NHSL1: variants seen among roughly 807,000 people sequenced by gnomAD.
NHSL1 encodes NHS like 1.
NHSL1 carries 48 observed loss-of-function variants against 95.0 expected under a neutral mutation model. The observed-to-expected ratio is 0.51, with a 90% CI of 0.40 to 0.64. The LOEUF (loss-of-function observed/expected upper bound fraction) is 0.64, where lower values mean the gene tolerates loss of function less well. Ranked by LOEUF, NHSL1 falls within the 30% of genes least tolerant of loss-of-function variation. The pLI is 0.00. For missense variants in NHSL1, 1,971 were observed against 2,077.7 expected (o/e 0.95, Z 1.00); for synonymous variants, 783 against 833.9 (o/e 0.94, Z 1.05).
At chr6:138,472,150 CCAGCCTGGGCGA>C (rs1778793822) in intron 3 of NHSL1, among the ~76,000 whole-genome samples, 1 of 148,656 alleles carries the variant, frequency 6.7e-6, no homozygotes, top group Admixed American at 6.7e-5. Context: ...TCACTGCACT[CCAGCCTGGGCGA>C]CAGAGCAAGC....
rs147843079 is a variant in NHSL1, at chr6:138,558,781, G to A, written c.202+12929C>T. On this transcript the variant is annotated intron_variant, in intron 1 of 6. Coordinates refer to the NHSL1 transcript ENST00000427025. ...ACACTACAGCCAGGCAGTGGCTCAC[G>A]CCTATATTCCCAGCACTTTGGGAGG... Among the ~76,000 whole-genome samples, 725 of 152,228 alleles carry A rather than the reference G, an allele frequency of 4.8e-3. 4 individuals are homozygous for A. The highest frequency in any genetic ancestry group is 0.024 in the South Asian group (116 of 4,824).
rs558361244 is a variant in NHSL1, at chr6:138,589,815, G to A, written c.97-93444C>T. 1.1e-4 allele frequency among the ~76,000 whole-genome samples: 17 copies of A among 152,112 alleles called. 1 individual carries two copies. In the South Asian group the frequency reaches 1.3e-3, roughly 11 times the overall value. ...CCTCAGCTGGCTGCTCCTCTGAGTC[G>A]GCACAGCCCCAGCCTCTGCATCCCC... is the stretch of plus-strand genomic sequence containing the variant. On this transcript the variant is annotated intron_variant, in intron 1 of 3. Transcript: ENST00000491526.
At chr6:138,548,123 A>G (rs1782873453), upstream of NHSL1, among the ~76,000 whole-genome samples, 2 of 152,104 alleles carry the variant, frequency 1.3e-5, no homozygotes, top group Admixed American at 1.3e-4. Flanking sequence ...CTGGGACTAC[A>G]GGTGCCCGCC....
At chr6:138,504,166 T>G (rs1449262513), upstream of NHSL1, among the ~76,000 whole-genome samples, 4 of 152,034 alleles carry the variant, frequency 2.6e-5, no homozygotes, top group Admixed American at 2.0e-4. Context: ...GCCCAGAAGT[T>G]TGAGGTTGCA....
chr6:138,532,075 G>A (rs2128316594), intron 1 of NHSL1, among the ~76,000 whole-genome samples: 1 of 152,324 alleles, frequency 6.6e-6, no homozygotes, highest in South Asian at 2.1e-4. Context: ...CCAAGAGGAG[G>A]TAACATCTGA....
upstream of NHSL1, among the ~76,000 whole-genome samples, chr6:138,692,885 G>C (rs1485705510): frequency 6.6e-6 from 1 of 150,932 alleles, no homozygotes; most frequent in African/African-American, 2.4e-5. The surrounding 1 kb of genome is among the most constrained non-coding windows in gnomAD (Gnocchi z 4.0). Context: ...GAAGCCTGGC[G>C]GCCCCTGCCC....
At position 138,437,438 on chromosome 6, in the gene NHSL1, ACAC is replaced by A. The variant is rs1468328757; in HGVS notation, c.665-3761_665-3759del. The stretch of plus-strand genomic sequence containing the variant: ...TACACACACACACACACACACACAC[ACAC>A]ACACAAAAAAAAAAAAAAAAAATAC... On this transcript the variant is annotated intron_variant, in intron 5 of 7. Transcript: ENST00000343505. 8.0e-3 allele frequency among the ~76,000 whole-genome samples: 312 copies of A among 38,932 alleles called. 49 individuals carry two copies. The highest frequency in any genetic ancestry group is 0.024 in the African/African-American group (227 of 9,368). 25.5% of individuals were successfully genotyped at this position (38,932 alleles called of 152,430 possible).
At chr6:138,596,497 G>C (rs1214142714) in intron 1 of NHSL1, among the ~76,000 whole-genome samples, 1 of 152,196 alleles carries the variant, frequency 6.6e-6, no homozygotes, top group Admixed American at 6.5e-5. Context: ...ATGTGATTTT[G>C]ATGGACTAAG....
chr6:138,591,044 C>T (rs1246559760), intron 1 of NHSL1, among the ~76,000 whole-genome samples: 1 of 152,128 alleles, frequency 6.6e-6, no homozygotes, highest in Non-Finnish European at 1.5e-5. Flanking sequence ...GAATCGCCTC[C>T]TCTCAAGAAA....
chr6:138,476,629 C>A (rs985466228), intron 2 of NHSL1, among the ~76,000 whole-genome samples: 1 of 151,944 alleles, frequency 6.6e-6, no homozygotes, highest in Non-Finnish European at 1.5e-5. Flanking sequence ...GAGTTAGAGA[C>A]CAGCCTGGCC....
intron 1 of NHSL1, among the ~76,000 whole-genome samples, chr6:138,551,496 C>A (rs146604114): frequency 2.2e-4 from 34 of 152,292 alleles, no homozygotes; most frequent in African/African-American, 7.9e-4. Flanking sequence ...GAAGAATCCA[C>A]TCTGGTGGCA....
At chr6:138,664,821 A>G (rs1292380344) in intron 1 of NHSL1, among the ~76,000 whole-genome samples, 2 of 152,252 alleles carry the variant, frequency 1.3e-5, no homozygotes, top group African/African-American at 4.8e-5. Flanking sequence ...GAGCCCCAGC[A>G]AAGAGTTGAT....
intron 3 of NHSL1, among the ~76,000 whole-genome samples, chr6:138,463,718 G>A (rs566032336): frequency 1.8e-4 from 28 of 151,720 alleles, no homozygotes; most frequent in Admixed American, 3.3e-4. Context: ...GACAGGCCCC[G>A]GTGTGTGATG....
intron 3 of NHSL1, among the ~76,000 whole-genome samples, chr6:138,467,548 G>A (rs970136950): frequency 6.6e-6 from 1 of 152,162 alleles, no homozygotes; most frequent in Non-Finnish European, 1.5e-5. Flanking sequence ...TTCCAGAAGT[G>A]GGTATTGTTA....
chr6:138,517,174 C>G (rs1001868897), intron 1 of NHSL1, among the ~76,000 whole-genome samples: 1 of 152,164 alleles, frequency 6.6e-6, no homozygotes, highest in Non-Finnish European at 1.5e-5. Context: ...CAAGACGACA[C>G]CAACAGTCCA....
At chr6:138,441,555 C>CA (rs1776524399) in intron 5 of NHSL1, among the ~76,000 whole-genome samples, 1 of 152,166 alleles carries the variant, frequency 6.6e-6, no homozygotes, top group African/African-American at 2.4e-5. Context: ...TTTCTGATGA[C>CA]AAAATGCCAC....
chr6:138,568,140 C>T lies in NHSL1; in HGVS notation c.202+3570G>A, dbSNP rs188496286. Among the ~76,000 whole-genome samples the T allele has an allele frequency of 1.6e-4, 24 of 152,324 alleles. 1 individual carries two copies. Among genetic ancestry groups the T allele is most frequent in the South Asian group, 8.3e-4 (4 of 4,826 alleles). On this transcript the variant is annotated intron_variant, in intron 1 of 6. Coordinates refer to the NHSL1 transcript ENST00000427025. ...TCATTAAATCTTGTTCAGTTAAATG[C>T]TAACAGTTAGAAGACCATGCAAAAC...
At chr6:138,453,961 A>G (rs1777410866) in intron 3 of NHSL1, among the ~76,000 whole-genome samples, 1 of 151,474 alleles carries the variant, frequency 6.6e-6, no homozygotes, top group Non-Finnish European at 1.5e-5. Flanking sequence ...TAGAACATAT[A>G]TGTTTAAACT....
chr6:138,593,102 C>T (rs1237107809), intron 1 of NHSL1, among the ~76,000 whole-genome samples: 3 of 152,330 alleles, frequency 2.0e-5, no homozygotes, highest in East Asian at 3.9e-4. Context: ...CCACACAAAC[C>T]AGAGAATCAG....
Sources: gnomAD v4.1 joint callset for allele counts (sites outside exome capture counted in the v4.1 genomes callset) on GRCh38, gnomAD v4.1.1 for gene constraint, Gnocchi (gnomAD v3.1) non-coding constraint, MANE v1.5 for transcripts, NCBI Gene and HGNC (gene_info 2026-07-23, HGNC 2026-07-21) for gene names.